FUT8: variants seen among roughly 807,000 people sequenced by gnomAD.
FUT8 encodes fucosyltransferase 8, also known as alpha-(1,6)-fucosyltransferase.
A neutral mutation model predicts 71.3 loss-of-function variants in FUT8; 29 were observed. The ratio of observed to expected loss-of-function variants is 0.41; its 90% CI spans 0.30 to 0.55. FUT8 has a LOEUF of 0.55. Ranked by LOEUF, FUT8 falls within the 20% of genes least tolerant of loss-of-function variation. The pLI is 0.34. For missense variants in FUT8, 544 were observed against 702.1 expected (o/e 0.77, Z 2.55); for synonymous variants, 254 against 239.3 (o/e 1.06, Z -0.57).
At chr14:65,373,340 C>T in the FUT8 span, among the ~76,000 whole-genome samples, 1 of 151,130 alleles carries the variant, frequency 6.6e-6, no homozygotes, top group African/African-American at 2.4e-5. Context: ...CATATAAACC[C>T]CAAACCCCAG....
In FUT8 at chr14:65,627,870, C is replaced by CT. The variant is rs1889979735; in HGVS notation, c.483-1619dup. Among the ~76,000 whole-genome samples, 1 of 152,138 alleles carries CT rather than the reference C, an allele frequency of 6.6e-6. No homozygotes were observed. The highest frequency in any genetic ancestry group is 6.5e-5 in the Admixed American group (1 of 15,272). ...CTAGTTAAATTATTTTAGAGAGATACTTTAACAACTGCCTGACCATCACCT... is the reference window on the plus strand; with the variant it reads ...CTAGTTAAATTATTTTAGAGAGATACTTTTAACAACTGCCTGACCATCACCT... On this transcript the variant is annotated intron_variant, in intron 5 of 10. Coordinates refer to ENST00000673929, the MANE Select transcript of FUT8 (RefSeq NM_001371533.1). The surrounding 1 kb of genome is among the most constrained non-coding windows in gnomAD (Gnocchi z 4.0).
At chr14:65,730,918 A>G (rs963060573) in intron 9 of FUT8, among the ~76,000 whole-genome samples, 1 of 152,232 alleles carries the variant, frequency 6.6e-6, no homozygotes, top group African/African-American at 2.4e-5. Flanking sequence ...TCCCAGGTAA[A>G]ATATTTACAA....
At chr14:65,690,630 T>TCG (rs1893528981) in intron 7 of FUT8, among the ~76,000 whole-genome samples, 2 of 109,512 alleles carry the variant, frequency 1.8e-5, no homozygotes, top group African/African-American at 7.6e-5. Context: ...CATCCCTTTA[T>TCG]CTCTCTCTCT....
rs371873921 is a variant in FUT8, at chr14:65,585,893, C to G, written c.203+24127C>G. 1.2e-4 allele frequency among the ~76,000 whole-genome samples: 19 copies of G among 152,128 alleles called. 3 individuals are homozygous for G. Among genetic ancestry groups the G allele is most frequent in the African/African-American group, 4.3e-4 (18 of 41,490 alleles). On this transcript the variant is annotated intron_variant, in intron 3 of 10. Transcript: ENST00000673929. The stretch of plus-strand genomic sequence containing the variant: ...ACAGTAAGCAAAGTAGTAGAAATAG[C>G]AAGGGATGGAAACAGTTCCTAAAAA...
At chr14:65,411,346 G>A (rs2065121435), upstream of FUT8, 1 of 152,318 alleles carries the variant, frequency 6.6e-6, no homozygotes, top group Non-Finnish European at 1.5e-5. Context: ...ACTTCATAGA[G>A]TGCTTTTTGT....
rs190775745 is a variant in FUT8 at position 65,434,229 on chromosome 14, A to G, written c.-326+21015A>G. ...ATAGAGATGGAGAAGTCCAGGAACA[A>G]CCAGATCCAGGAACTTAGATGCTGT... On this transcript the variant is annotated intron_variant, in intron 1 of 10. Transcript: ENST00000673929. Among the ~76,000 whole-genome samples the G allele has an allele frequency of 2.0e-5, 3 of 152,334 alleles. No individual in the cohort carries two copies. The East Asian group carries it at 5.8e-4, about 29-fold the overall frequency.
At chr14:65,507,671 A>G (rs1566791089) in intron 2 of FUT8, among the ~76,000 whole-genome samples, 1 of 152,202 alleles carries the variant, frequency 6.6e-6, no homozygotes, top group African/African-American at 2.4e-5. Context: ...CACTGTGTAT[A>G]TGTACCACAT....
At chr14:65,710,798 A>C (rs934243978) in intron 7 of FUT8, among the ~76,000 whole-genome samples, 8 of 152,202 alleles carry the variant, frequency 5.3e-5, no homozygotes, top group Admixed American at 3.9e-4. Flanking sequence ...ATAACAAAAA[A>C]AGATTTATTT....
chr14:65,693,330 C>T (rs1025459447), intron 7 of FUT8, among the ~76,000 whole-genome samples: 74 of 152,258 alleles, frequency 4.9e-4, no homozygotes, highest in African/African-American at 1.7e-3. Flanking sequence ...CACAGCGAAA[C>T]CCCGTCTCCA....
intron 3 of FUT8, among the ~76,000 whole-genome samples, chr14:65,586,411 GTC>G (rs1427878074): frequency 2.0e-5 from 3 of 152,060 alleles, no homozygotes; most frequent in Admixed American, 6.5e-5. Flanking sequence ...AATACCCTCA[GTC>G]TCTCTTGAAA....
chr14:65,741,760 C>G (rs1276840266), intron 10 of FUT8, among the ~76,000 whole-genome samples: 1 of 151,960 alleles, frequency 6.6e-6, no homozygotes, highest in Non-Finnish European at 1.5e-5. Flanking sequence ...GAGTGCCTAG[C>G]TTGGACCACT....
chr14:65,539,529 T>C (rs1884550989), intron 2 of FUT8, among the ~76,000 whole-genome samples: 2 of 152,218 alleles, frequency 1.3e-5, no homozygotes, highest in African/African-American at 4.8e-5. Context: ...TACTTAAAAG[T>C]ATGTACGACT....
chr14:65,451,168 T>C (rs1201335074), intron 1 of FUT8, among the ~76,000 whole-genome samples: 1 of 152,178 alleles, frequency 6.6e-6, no homozygotes, highest in Non-Finnish European at 1.5e-5. Context: ...AGCCCACCAC[T>C]CTTAACTCCT....
rs74058547 is a variant in FUT8, at chr14:65,658,935, T to G, written c.598-10308T>G. 7.9e-3 allele frequency among the ~76,000 whole-genome samples: 1,203 copies of G among 152,216 alleles called. 9 individuals carry two copies. The highest frequency in any genetic ancestry group is 0.024 in the African/African-American group (1,000 of 41,544). ...TTAATAGTATTGTATAATGTCAATT[T>G]CCTGATTTTGATAAGGTACTATTGT... On this transcript the variant is annotated intron_variant, in intron 6 of 10. Coordinates refer to ENST00000673929, the MANE Select transcript of FUT8 (RefSeq NM_001371533.1).
At chr14:65,460,209 GT>G (rs1441148840) in intron 2 of FUT8, among the ~76,000 whole-genome samples, 1 of 152,194 alleles carries the variant, frequency 6.6e-6, no homozygotes, top group Non-Finnish European at 1.5e-5. Flanking sequence ...GATCTCTTCT[GT>G]TTCTGCACAT....
At chr14:65,694,703 C>G (rs988770803) in intron 7 of FUT8, among the ~76,000 whole-genome samples, 5 of 151,948 alleles carry the variant, frequency 3.3e-5, no homozygotes, top group Admixed American at 6.6e-5. Context: ...CCATGGAATA[C>G]TATGCAGCCA....
chr14:65,390,247 C>T, the FUT8 span, among the ~76,000 whole-genome samples: 12 of 149,336 alleles, frequency 8.0e-5, no homozygotes, highest in Admixed American at 4.0e-4. Flanking sequence ...GGCTTGAACC[C>T]GGGTGGTGGA....
chr14:65,693,193 C>A (rs1300360452), intron 7 of FUT8, among the ~76,000 whole-genome samples: 1 of 152,254 alleles, frequency 6.6e-6, no homozygotes, highest in African/African-American at 2.4e-5. Context: ...CGAGATCACG[C>A]CACTGCACTC....
At chr14:65,538,788 C>T (rs1884498656) in intron 2 of FUT8, among the ~76,000 whole-genome samples, 1 of 152,226 alleles carries the variant, frequency 6.6e-6, no homozygotes, top group Admixed American at 6.5e-5. Context: ...GGTGTGGTGG[C>T]ATGCGCCTGT....
Sources: gnomAD v4.1 joint callset for allele counts (sites outside exome capture counted in the v4.1 genomes callset) on GRCh38, gnomAD v4.1.1 for gene constraint, Gnocchi (gnomAD v3.1) non-coding constraint, MANE v1.5 for transcripts, NCBI Gene and HGNC (gene_info 2026-07-23, HGNC 2026-07-21) for gene names.